Variants in IGIP observed in about 807,000 individuals in gnomAD.
IGIP encodes IgA inducing protein, also known as IgA-inducing protein homolog.
Under a neutral mutation model 3.2 loss-of-function variants are expected in IGIP, and 1 was observed. The ratio of observed to expected loss-of-function variants is 0.32; its 90% CI spans 0.11 to 1.50. The LOEUF (loss-of-function observed/expected upper bound fraction) is 1.50. Ranked by LOEUF, IGIP falls within the 40% of genes most tolerant of loss-of-function variation. The probability of loss-of-function intolerance (pLI) is 0.39; values close to 1 mark genes in which losing one functional copy is unlikely to be tolerated. For synonymous variants in IGIP, 20 were observed against 22.7 expected (o/e 0.88, Z 0.34); for missense variants, 64 against 69.0 (o/e 0.93, Z 0.26).
chr5:140,126,848 T>G lies in IGIP; in HGVS notation c.-1629T>G, dbSNP rs1763219317. ...TTGGGACAGGTCACAGCTTGGATGA[T>G]TGACCTCAGGTGCCGTAGACAGCCC... On this transcript the variant is annotated 5_prime_UTR_variant, in exon 1 of 1. Transcript: ENST00000333305. 6.0e-6 allele frequency: 1 copy of G among 167,122 alleles called. No individual in the cohort carries two copies. The highest frequency in any genetic ancestry group is 1.5e-5 in the Non-Finnish European group (1 of 68,148). 10.4% of individuals were successfully genotyped at this position (167,122 alleles called of 1,614,324 possible). A position where few individuals can be genotyped will look rare whatever the true frequency, so the allele number is the denominator to read the frequency against.
In IGIP at chr5:140,128,271, C is replaced by A. The variant is rs1312131163; in HGVS notation, c.-206C>A. 4.6e-6 allele frequency: 2 copies of A among 436,568 alleles called. No homozygotes were observed. The highest frequency in any genetic ancestry group is 5.2e-5 in the South Asian group (1 of 19,256). The allele number at this position is 436,568 out of a possible 1,614,324, so 27.0% of individuals were successfully genotyped here. On this transcript the variant is annotated 5_prime_UTR_variant, in exon 1 of 1. Transcript: ENST00000333305. ...CCAAAATGACTTTGGTTAAATGGAC[C>A]AGATGTATATTAGTTAAAATTTAGG...
chr5:140,128,797 TC>T lies in IGIP; in HGVS notation c.*160del. On this transcript the variant is annotated 3_prime_UTR_variant, in exon 1 of 1. Coordinates refer to ENST00000333305, the MANE Select transcript of IGIP (RefSeq NM_001007189.2). ...GCAAAAAAATAAAGATGTTTATTTTTCATGTGACTGTATAATCAGATCAGTC... is the reference window on the plus strand; with the variant it reads ...GCAAAAAAATAAAGATGTTTATTTTTATGTGACTGTATAATCAGATCAGTC... 1.6e-6 allele frequency: 1 copy of T among 617,462 alleles called. No individual in the cohort carries two copies. The highest frequency in any genetic ancestry group is 2.7e-6 in the Non-Finnish European group (1 of 365,938). The allele number at this position is 617,462 out of a possible 1,614,324, so 38.2% of individuals were successfully genotyped here. A position where few individuals can be genotyped will look rare whatever the true frequency, so the allele number is the denominator to read the frequency against.
rs778678613 is a variant in IGIP, at chr5:140,127,494, CTT to C, written c.-981_-980del. On this transcript the variant is annotated 5_prime_UTR_variant, in exon 1 of 1. The change creates a premature stop within an existing upstream ORF in the 5' untranslated region. Transcript: ENST00000333305. ...GTAACTGAGGCTAATATGAGCAAGA[CTT>C]TGGTTAATTAACTGGGTTCTCAGAT... 5 of 166,968 alleles carry C rather than the reference CTT, an allele frequency of 3.0e-5. No homozygotes were observed. The highest frequency in any genetic ancestry group is 7.3e-5 in the Non-Finnish European group (5 of 68,104). The allele number at this position is 166,968 out of a possible 1,614,324, so 10.3% of individuals were successfully genotyped here.
At chr5:140,128,520 G>GT in the IGIP span, 2 of 1,608,740 alleles carry the variant, frequency 1.2e-6, no homozygotes. Context: ...GTGTCGGGCT[G>GT]TAATATTACC....
At position 140,126,067 on chromosome 5, in the gene IGIP, G is replaced by T. The variant is rs1351551707; in HGVS notation, c.-2410G>T. On this transcript the variant is annotated 5_prime_UTR_variant, in exon 1 of 1. An upstream start codon of the reference 5' UTR is lost. Coordinates refer to ENST00000333305, the MANE Select transcript of IGIP (RefSeq NM_001007189.2). ...GTTTTATTAATGATTTTTGGTGCAT[G>T]CCTTTGGGCTTATTCAAAAGTGTAC... 2 of 166,998 alleles carry T rather than the reference G, an allele frequency of 1.2e-5. No homozygotes were observed. Among genetic ancestry groups the T allele is most frequent in the African/African-American group, 4.8e-5 (2 of 41,422 alleles). The allele number at this position is 166,998 out of a possible 1,614,324, so 10.3% of individuals were successfully genotyped here.
Position 140,126,088 on chromosome 5 carries a change from T to C in IGIP, c.-2389T>C, listed in dbSNP as rs548935184. 3.6e-5 allele frequency: 6 copies of C among 167,206 alleles called. No homozygotes were observed. In the Admixed American group the frequency reaches 3.9e-4, roughly 11 times the overall value. 10.4% of individuals were successfully genotyped at this position (167,206 alleles called of 1,614,324 possible). A position where few individuals can be genotyped will look rare whatever the true frequency, so the allele number is the denominator to read the frequency against. ...GCATGCCTTTGGGCTTATTCAAAAG[T>C]GTACAATAGGAAAGTATATTTCCTT... On this transcript the variant is annotated 5_prime_UTR_variant, in exon 1 of 1. Coordinates refer to ENST00000333305, the MANE Select transcript of IGIP (RefSeq NM_001007189.2).
Position 140,128,203 on chromosome 5 carries a change from A to G in IGIP, c.-274A>G, listed in dbSNP as rs567861846. 1.1e-5 allele frequency: 3 copies of G among 274,410 alleles called. No homozygotes were observed. The highest frequency in any genetic ancestry group is 6.7e-5 in the African/African-American group (3 of 44,878). The allele number at this position is 274,410 out of a possible 1,614,324, so 17.0% of individuals were successfully genotyped here. On this transcript the variant is annotated 5_prime_UTR_variant, in exon 1 of 1. Transcript: ENST00000333305. ...ATTTATCTTCTCTAAAGAATGGTCA[A>G]AACAATATCCTTTCAGAAATAGAAT... is the stretch of plus-strand genomic sequence containing the variant.
rs975778325 is a variant in IGIP at position 140,128,364 on chromosome 5, G to T, written c.-113G>T. Reference sequence around the variant, plus strand: ...TTGGAGATGTGCCAATATACAGTTAGAATATCATTAATTTGCACTGTTTGG... The same window carrying T: ...TTGGAGATGTGCCAATATACAGTTATAATATCATTAATTTGCACTGTTTGG... On this transcript the variant is annotated 5_prime_UTR_variant, in exon 1 of 1. Transcript: ENST00000333305. The T allele has an allele frequency of 6.0e-6, 4 of 664,294 alleles. No individual in the cohort carries two copies. Among genetic ancestry groups the T allele is most frequent in the Admixed American group, 6.9e-5 (2 of 28,928 alleles). 41.1% of individuals were successfully genotyped at this position (664,294 alleles called of 1,614,324 possible).
chr5:140,127,547 A>G lies in IGIP; in HGVS notation c.-930A>G, dbSNP rs1169503659. 1.2e-5 allele frequency: 2 copies of G among 167,074 alleles called. No individual in the cohort carries two copies. Among genetic ancestry groups the G allele is most frequent in the Non-Finnish European group, 2.9e-5 (2 of 68,126 alleles). 10.3% of individuals were successfully genotyped at this position (167,074 alleles called of 1,614,324 possible). ...GCCACAGACTCCGTGAGAAGTCACC[A>G]TTATTTTCAATGGTTGTGATAGAAT... On this transcript the variant is annotated 5_prime_UTR_variant, in exon 1 of 1. Transcript: ENST00000333305.
chr5:140,126,983 C>G lies in IGIP; in HGVS notation c.-1494C>G, dbSNP rs1414587972. The G allele has an allele frequency of 6.0e-6, 1 of 167,058 alleles. No homozygotes were observed. The highest frequency in any genetic ancestry group is 2.4e-5 in the African/African-American group (1 of 41,426). The allele number at this position is 167,058 out of a possible 1,614,324, so 10.3% of individuals were successfully genotyped here. ...TTTAGAGGAGGCCCAGAGCACACAT[C>G]CTAATCGCTAGCGGTACTCAGAGAG... On this transcript the variant is annotated 5_prime_UTR_variant, in exon 1 of 1. In the 5' UTR this introduces an upstream ATG that the reference lacks. Coordinates refer to ENST00000333305, the MANE Select transcript of IGIP (RefSeq NM_001007189.2).
At position 140,127,409 on chromosome 5, in the gene IGIP, T is replaced by G. The variant is rs1482657235; in HGVS notation, c.-1068T>G. 3 of 167,090 alleles carry G rather than the reference T, an allele frequency of 1.8e-5. No individual in the cohort carries two copies. Among genetic ancestry groups the G allele is most frequent in the Non-Finnish European group, 4.4e-5 (3 of 68,122 alleles). 10.4% of individuals were successfully genotyped at this position (167,090 alleles called of 1,614,324 possible). A position where few individuals can be genotyped will look rare whatever the true frequency, so the allele number is the denominator to read the frequency against. On this transcript the variant is annotated 5_prime_UTR_variant, in exon 1 of 1. Transcript: ENST00000333305. ...ATTTTTCCTCTTTCCTTATAGCATG[T>G]TGAGAAAATCTGTTGGGTTTTCAGC...
Position 140,128,490 on chromosome 5 carries a change from A to G in IGIP, c.14A>G (p.Tyr5Cys), listed in dbSNP as rs369243227. 6.3e-7 allele frequency: 1 copy of G among 1,591,362 alleles called. No individual in the cohort carries two copies. Among genetic ancestry groups the G allele is most frequent in the Non-Finnish European group, 8.5e-7 (1 of 1,171,784 alleles). The stretch of plus-strand genomic sequence containing the variant: ...TCTGTATTAAATATGTGCAGTTATT[A>G]TCACATGAAGAAACGCAGTGTGTCG... Reference protein sequence around the residue: MCSYYHMKKRSVSGC... With the variant: MCSYCHMKKRSVSGC... The change falls in exon 1 of 1, where the codon TAT (tyrosine) becomes TGT (cysteine). Residue 5 changes from tyrosine to cysteine, a missense_variant. Tyr to Cys is a radical substitution (Grantham distance 194). Transcript: ENST00000333305.
In IGIP at chr5:140,127,144, T is replaced by C. The variant is rs112520221; in HGVS notation, c.-1333T>C. On this transcript the variant is annotated 5_prime_UTR_variant, in exon 1 of 1. Coordinates refer to ENST00000333305, the MANE Select transcript of IGIP (RefSeq NM_001007189.2). ...GTGCAAACTACACTAGTCTGTTTCT[T>C]TGCCCTGGTCTCAAGTCTCTAAGAC... 6.0e-6 allele frequency: 1 copy of C among 167,108 alleles called. No individual in the cohort carries two copies. Among genetic ancestry groups the C allele is most frequent in the African/African-American group, 2.4e-5 (1 of 41,444 alleles). 10.4% of individuals were successfully genotyped at this position (167,108 alleles called of 1,614,324 possible).
In IGIP at chr5:140,128,493, A is replaced by C; in HGVS notation, c.17A>C (p.His6Pro). 6.3e-7 allele frequency: 1 copy of C among 1,592,430 alleles called. No individual in the cohort carries two copies. Among genetic ancestry groups the C allele is most frequent in the Non-Finnish European group, 8.5e-7 (1 of 1,172,262 alleles). The change falls in exon 1 of 1, where the codon CAC (histidine) becomes CCC (proline). Residue 6 changes from histidine (H) to proline (P), a missense_variant. By Grantham distance (77) the His-to-Pro change is moderately conservative (BLOSUM62 -2). Coordinates refer to ENST00000333305, the MANE Select transcript of IGIP (RefSeq NM_001007189.2). MCSYY[H>P]MKKRSVSGCN... ...GTATTAAATATGTGCAGTTATTATC[A>C]CATGAAGAAACGCAGTGTGTCGGGC...
Position 140,126,300 on chromosome 5 carries a change from A to C in IGIP, c.-2177A>C, listed in dbSNP as rs1458504409. On this transcript the variant is annotated 5_prime_UTR_variant, in exon 1 of 1. Transcript: ENST00000333305. ...TTCTGTATAGGACCAAAAAGGAAAT[A>C]ACATTAAACACTTAAACAGACGTTG... The C allele has an allele frequency of 1.2e-5, 2 of 167,128 alleles. No homozygotes were observed. Among genetic ancestry groups the C allele is most frequent in the Admixed American group, 6.5e-5 (1 of 15,292 alleles). 10.4% of individuals were successfully genotyped at this position (167,128 alleles called of 1,614,324 possible).
At position 140,128,927 on chromosome 5, in the gene IGIP, A is replaced by T; in HGVS notation, c.*289A>T. Reference sequence around the variant, plus strand: ...TTAGGACTCAGTAGCAGGTATACTTATGCTTATGAATTGGCTGCAAGCATT... The same window carrying T: ...TTAGGACTCAGTAGCAGGTATACTTTTGCTTATGAATTGGCTGCAAGCATT... On this transcript the variant is annotated 3_prime_UTR_variant, in exon 1 of 1. Coordinates refer to ENST00000333305, the MANE Select transcript of IGIP (RefSeq NM_001007189.2). The T allele has an allele frequency of 3.5e-6, 1 of 286,910 alleles. No homozygotes were observed. The highest frequency in any genetic ancestry group is 6.5e-6 in the Non-Finnish European group (1 of 154,854). The allele number at this position is 286,910 out of a possible 1,614,324, so 17.8% of individuals were successfully genotyped here. A position where few individuals can be genotyped will look rare whatever the true frequency, so the allele number is the denominator to read the frequency against.
chr5:140,126,117 TAGAA>T lies in IGIP; in HGVS notation c.-2357_-2354del, dbSNP rs1763210396. The T allele has an allele frequency of 6.0e-6, 1 of 167,104 alleles. No individual in the cohort carries two copies. Among genetic ancestry groups the T allele is most frequent in the Non-Finnish European group, 1.5e-5 (1 of 68,114 alleles). The allele number at this position is 167,104 out of a possible 1,614,324, so 10.4% of individuals were successfully genotyped here. A position where few individuals can be genotyped will look rare whatever the true frequency, so the allele number is the denominator to read the frequency against. On this transcript the variant is annotated 5_prime_UTR_variant, in exon 1 of 1. Coordinates refer to ENST00000333305, the MANE Select transcript of IGIP (RefSeq NM_001007189.2). ...CAATAGGAAAGTATATTTCCTTTCT[TAGAA>T]AGGAGATGTTTTCTACTTTGCAACA...
Position 140,128,228 on chromosome 5 carries a change from T to G in IGIP, c.-249T>G. On this transcript the variant is annotated 5_prime_UTR_variant, in exon 1 of 1. Coordinates refer to ENST00000333305, the MANE Select transcript of IGIP (RefSeq NM_001007189.2). ...AAACAATATCCTTTCAGAAATAGAA[T>G]TGTTCTTTAATATCTTTCCAAAATG... The G allele has an allele frequency of 3.0e-6, 1 of 328,290 alleles. No individual in the cohort carries two copies. Among genetic ancestry groups the G allele is most frequent in the Admixed American group, 5.1e-5 (1 of 19,622 alleles). The allele number at this position is 328,290 out of a possible 1,614,324, so 20.3% of individuals were successfully genotyped here. A position where few individuals can be genotyped will look rare whatever the true frequency, so the allele number is the denominator to read the frequency against.
rs1283247359 is a variant in IGIP at position 140,128,701 on chromosome 5, T to TA, written c.*64dup. The TA allele has an allele frequency of 1.5e-6, 2 of 1,330,098 alleles. No individual in the cohort carries two copies. The highest frequency in any genetic ancestry group is 3.0e-5 in the African/African-American group (2 of 67,136). The allele number at this position is 1,330,098 out of a possible 1,614,324, so 82.4% of individuals were successfully genotyped here. A position where few individuals can be genotyped will look rare whatever the true frequency, so the allele number is the denominator to read the frequency against. On this transcript the variant is annotated 3_prime_UTR_variant, in exon 1 of 1. Transcript: ENST00000333305. ...TGTGATTATTTTAGGCATTGATTCT[T>TA]ACAAAATATATACTGTAACAGTATA...
Sources: allele counts gnomAD v4.1 joint callset, GRCh38; gene constraint gnomAD v4.1.1; transcripts MANE v1.5; gene names NCBI Gene and HGNC (gene_info 2026-07-23, HGNC 2026-07-21).